The following MYO16 variants were observed in gnomAD, a reference collection of about 807,000 sequenced individuals.
MYO16 encodes the protein myosin XVI.
In MYO16, 94 loss-of-function variants were observed where a neutral mutation model predicts 205.3. The ratio of observed to expected loss-of-function variants is 0.46; its 90% CI spans 0.39 to 0.54. The LOEUF is 0.54. Among genes scored for constraint, MYO16 ranks in the 20% least tolerant of loss-of-function variants. The pLI, the probability that MYO16 is intolerant of heterozygous loss-of-function variation, is 0.00. For synonymous variants in MYO16, 988 were observed against 954.0 expected (o/e 1.04, Z -0.66); for missense variants, 2,315 against 2,387.5 (o/e 0.97, Z 0.63).
chr13:108,927,878 G>A (rs938765644), intron 16 of MYO16, among the ~76,000 whole-genome samples: 2 of 152,210 alleles, frequency 1.3e-5, no homozygotes, highest in African/African-American at 2.4e-5. Context: ...GCCAACGCGT[G>A]CACCTGGCCT....
the MYO16 span, among the ~76,000 whole-genome samples, chr13:108,521,214 C>G: frequency 1.3e-5 from 2 of 152,136 alleles, no homozygotes; most frequent in African/African-American, 4.8e-5. Context: ...GGGGAGACAA[C>G]AGAAAGTGTT....
rs573703938 is a variant in MYO16, at chr13:108,974,641, T to C, written c.2369+9739T>C. Among the ~76,000 whole-genome samples, 5 of 152,312 alleles carry C rather than the reference T, an allele frequency of 3.3e-5. No homozygotes were observed. In the South Asian group the frequency reaches 1.0e-3, roughly 32 times the overall value. On this transcript the variant is annotated intron_variant, in intron 20 of 34. Transcript: ENST00000457511. ...TGACTTTGTAAATTGAAGAATTCTA[T>C]TTTTGTATTTTAGGTAAAATTTGTG...
At chr13:109,155,648 T>A (rs956967007) in intron 32 of MYO16, among the ~76,000 whole-genome samples, 2 of 152,232 alleles carry the variant, frequency 1.3e-5, no homozygotes, top group African/African-American at 4.8e-5. Flanking sequence ...ACCACTAGAC[T>A]CAGACGCCCT....
At chr13:109,206,132 G>A (rs973864904) in intron 34 of MYO16, among the ~76,000 whole-genome samples, 6 of 140,864 alleles carry the variant, frequency 4.3e-5, no homozygotes, top group Non-Finnish European at 7.8e-5. Flanking sequence ...CCTTATGGTC[G>A]GAAGTGAGGT....
At chr13:108,592,313 G>A (rs1294793618), upstream of MYO16, among the ~76,000 whole-genome samples, 38 of 130,710 alleles carry the variant, frequency 2.9e-4, 1 homozygote, top group Non-Finnish European at 5.9e-4. Context: ...GGAGTTGTAG[G>A]GGGTGTGGGG....
chr13:108,890,673 T>C (rs1880130506), intron 14 of MYO16, among the ~76,000 whole-genome samples: 1 of 152,176 alleles, frequency 6.6e-6, no homozygotes, highest in Non-Finnish European at 1.5e-5. Flanking sequence ...CAACTTCAAC[T>C]AGTAAATGGA....
At chr13:109,086,839 A>T (rs1888448022) in intron 27 of MYO16, among the ~76,000 whole-genome samples, 1 of 152,210 alleles carries the variant, frequency 6.6e-6, no homozygotes, top group South Asian at 2.1e-4. Context: ...ACTGAAAAGA[A>T]ATAGGAAGTC....
At chr13:108,528,396 T>C in the MYO16 span, among the ~76,000 whole-genome samples, 1 of 152,132 alleles carries the variant, frequency 6.6e-6, no homozygotes, top group East Asian at 1.9e-4. Flanking sequence ...ATGCCAAGAA[T>C]AGGACAGGAA....
intron 17 of MYO16, 145 bp from the exon 18 acceptor site, chr13:108,961,394 A>T: frequency 1.6e-6 from 1 of 609,116 alleles, no homozygotes; most frequent in Non-Finnish European, 2.9e-6. Flanking sequence ...TTTTCTTGCC[A>T]TATCGAACAT....
At chr13:108,581,148 T>C in the MYO16 span, among the ~76,000 whole-genome samples, 5 of 151,884 alleles carry the variant, frequency 3.3e-5, no homozygotes, top group Non-Finnish European at 5.9e-5. Flanking sequence ...ATATTATTTT[T>C]GAGTACCCAT....
At chr13:108,576,284 C>T in the MYO16 span, among the ~76,000 whole-genome samples, 2 of 152,178 alleles carry the variant, frequency 1.3e-5, no homozygotes, top group African/African-American at 2.4e-5. Context: ...ACTTAGCCAC[C>T]GCAGTCTTTT....
chr13:108,613,366 C>T (rs1926518), intron 1 of MYO16, among the ~76,000 whole-genome samples: 1 of 151,896 alleles, frequency 6.6e-6, no homozygotes, highest in East Asian at 1.9e-4. Flanking sequence ...TTTATCTTTA[C>T]TTGTCTCCTC....
intron 23 of MYO16, among the ~76,000 whole-genome samples, chr13:109,024,003 G>A (rs1484070760): frequency 1.0e-5 from 1 of 97,712 alleles, no homozygotes; most frequent in Non-Finnish European, 2.1e-5. Context: ...TGTATATATA[G>A]AAATATTATA....
intron 29 of MYO16, among the ~76,000 whole-genome samples, chr13:109,122,337 A>G (rs1594103795): frequency 6.6e-6 from 1 of 152,138 alleles, no homozygotes; most frequent in East Asian, 1.9e-4. Flanking sequence ...AGAAAAAATG[A>G]ACAGAACTGT....
the MYO16 span, among the ~76,000 whole-genome samples, chr13:108,536,271 A>C: frequency 2.6e-5 from 4 of 152,196 alleles, no homozygotes; most frequent in African/African-American, 9.7e-5. Flanking sequence ...AGAGAGCTAC[A>C]GATTTACAAC....
chr13:108,888,548 G>C (rs1880010621), intron 14 of MYO16, 71 bp downstream of exon 14: 1 of 1,080,654 alleles, frequency 9.3e-7, no homozygotes, highest in Non-Finnish European at 1.4e-6. Context: ...ACAAATAGGG[G>C]AGGGGACATC....
At chr13:109,167,655 G>T (rs1256196204) in intron 33 of MYO16, among the ~76,000 whole-genome samples, 1 of 152,124 alleles carries the variant, frequency 6.6e-6, no homozygotes, top group Admixed American at 6.5e-5. Flanking sequence ...CCTTTGCAAA[G>T]CCTAAGTAGG....
intron 6 of MYO16, among the ~76,000 whole-genome samples, chr13:108,805,354 C>T (rs1012907910): frequency 6.6e-6 from 1 of 152,042 alleles, no homozygotes; most frequent in African/African-American, 2.4e-5. Flanking sequence ...CATATATTTA[C>T]ACTCCGTAGA....
At chr13:109,165,137 A>T in intron 33 of MYO16, 78 bp downstream of exon 33, 2 of 1,138,068 alleles carry the variant, frequency 1.8e-6, no homozygotes, top group Non-Finnish European at 2.5e-6. Flanking sequence ...ATGGATTTAA[A>T]ATATGAAAAT....
Sources: allele counts gnomAD v4.1 joint callset (sites outside exome capture counted in the v4.1 genomes callset), GRCh38; gene constraint gnomAD v4.1.1; transcripts MANE v1.5; gene names NCBI Gene and HGNC (gene_info 2026-07-23, HGNC 2026-07-21).